Variants in NLGN1 observed in about 807,000 individuals in gnomAD.
The protein encoded by NLGN1 is neuroligin-1.
A neutral mutation model predicts 65.5 loss-of-function variants in NLGN1; 12 were observed. That is an observed-to-expected ratio of 0.18 (90% confidence interval 0.12 to 0.30). The LOEUF is 0.30. Among genes scored for constraint, NLGN1 ranks in the 10% least tolerant of loss-of-function variants. The pLI, the probability that NLGN1 is intolerant of heterozygous loss-of-function variation, is 1.00. For synonymous variants in NLGN1, 350 were observed against 359.5 expected (o/e 0.97, Z 0.30); for missense variants, 750 against 1,007.1 (o/e 0.74, Z 3.46).
chr3:174,083,339 G>C (rs1269776748), intron 4 of NLGN1, among the ~76,000 whole-genome samples: 1 of 151,970 alleles, frequency 6.6e-6, no homozygotes, highest in African/African-American at 2.4e-5. Flanking sequence ...TATGAATTAA[G>C]ATAAATATAT....
chr3:173,663,517 A>G lies in NLGN1; in HGVS notation c.493+58426A>G, dbSNP rs190874558. Among the ~76,000 whole-genome samples the G allele has an allele frequency of 1.2e-4, 18 of 152,154 alleles. No individual in the cohort carries two copies. In the East Asian group the frequency reaches 3.5e-3, roughly 29 times the overall value. ...AACACATTTTATGCTGTAAAAAAGA[A>G]AGTTCTTGCATATATAGAAGCTAGT... On this transcript the variant is annotated intron_variant, in intron 3 of 6. Coordinates refer to ENST00000457714, the Ensembl canonical transcript of NLGN1.
chr3:173,942,045 T>G (rs1196130753), intron 4 of NLGN1, among the ~76,000 whole-genome samples: 1 of 151,652 alleles, frequency 6.6e-6, no homozygotes, highest in Non-Finnish European at 1.5e-5. Flanking sequence ...TATTTACTGC[T>G]AAGTTCTTGT....
chr3:174,035,859 C>T (rs931084462), intron 4 of NLGN1, among the ~76,000 whole-genome samples: 4 of 152,038 alleles, frequency 2.6e-5, no homozygotes, highest in Non-Finnish European at 4.4e-5. Flanking sequence ...TATATAGGAT[C>T]TAGATAATGT....
At chr3:173,763,018 G>A (rs1163458619) in intron 3 of NLGN1, among the ~76,000 whole-genome samples, 3 of 138,794 alleles carry the variant, frequency 2.2e-5, no homozygotes, top group Admixed American at 7.3e-5. Flanking sequence ...TGACAGTCAT[G>A]AGGCATATGA....
At chr3:174,206,730 A>C (rs887980167) in intron 4 of NLGN1, among the ~76,000 whole-genome samples, 3 of 152,170 alleles carry the variant, frequency 2.0e-5, no homozygotes, top group African/African-American at 2.4e-5. Context: ...TATTCTGAAG[A>C]CCTGTGTGGA....
At chr3:174,221,800 T>G (rs1738708818) in intron 4 of NLGN1, among the ~76,000 whole-genome samples, 1 of 152,062 alleles carries the variant, frequency 6.6e-6, no homozygotes, top group Admixed American at 6.6e-5. Context: ...TTGGGTGGCT[T>G]CCAGTAATCT....
At chr3:174,251,382 C>T (rs183599657) in intron 4 of NLGN1, among the ~76,000 whole-genome samples, 10 of 152,182 alleles carry the variant, frequency 6.6e-5, no homozygotes, top group South Asian at 2.1e-4. Flanking sequence ...GGTGAGCTGC[C>T]GCTAATTCAT....
At chr3:173,774,357 A>G (rs1356543643) in intron 3 of NLGN1, among the ~76,000 whole-genome samples, 3 of 152,150 alleles carry the variant, frequency 2.0e-5, no homozygotes, top group African/African-American at 7.2e-5. Flanking sequence ...TCAATAGTTG[A>G]TCTTCTGGCT....
intron 4 of NLGN1, among the ~76,000 whole-genome samples, chr3:174,248,346 C>CAGTT (rs1305523357): frequency 6.6e-6 from 1 of 151,254 alleles, no homozygotes; most frequent in Non-Finnish European, 1.5e-5. Flanking sequence ...GGCAAATAGA[C>CAGTT]AGTTGTTTAT....
intron 3 of NLGN1, among the ~76,000 whole-genome samples, chr3:173,675,885 T>A (rs867462789): frequency 1.9e-4 from 23 of 121,162 alleles, no homozygotes; most frequent in African/African-American, 6.9e-4. Context: ...TCTCTCTCTC[T>A]CTCACACACA....
At chr3:173,568,774 C>G (rs903420372) in intron 2 of NLGN1, among the ~76,000 whole-genome samples, 1 of 152,168 alleles carries the variant, frequency 6.6e-6, no homozygotes, top group Non-Finnish European at 1.5e-5. Context: ...CCTGGGTTCA[C>G]CCCATTCTCC....
intron 4 of NLGN1, among the ~76,000 whole-genome samples, chr3:174,168,692 A>G (rs530617014): frequency 3.3e-4 from 50 of 152,224 alleles, no homozygotes; most frequent in African/African-American, 1.2e-3. Context: ...CGACTGTACA[A>G]TGGTCTGAGC....
intron 2 of NLGN1, among the ~76,000 whole-genome samples, chr3:173,585,789 C>G (rs1303830780): frequency 2.0e-5 from 3 of 152,214 alleles, no homozygotes; most frequent in South Asian, 4.1e-4. Context: ...TTCTTTCCAA[C>G]TGAGCGGTGC....
chr3:174,124,662 T>TAC (rs1310990575), intron 4 of NLGN1, among the ~76,000 whole-genome samples: 4 of 147,520 alleles, frequency 2.7e-5, no homozygotes, highest in Non-Finnish European at 4.5e-5. Flanking sequence ...CTTATATATA[T>TAC]GTATATGTGT....
chr3:174,208,235 A>G (rs1735798222), intron 4 of NLGN1, among the ~76,000 whole-genome samples: 1 of 152,178 alleles, frequency 6.6e-6, no homozygotes, highest in South Asian at 2.1e-4. Flanking sequence ...CATCTGTGGG[A>G]GGTAGGGAGA....
intron 2 of NLGN1, among the ~76,000 whole-genome samples, chr3:173,441,100 A>G (rs967407784): frequency 6.6e-6 from 1 of 152,182 alleles, no homozygotes; most frequent in Non-Finnish European, 1.5e-5. Flanking sequence ...GCTAGCTTCC[A>G]GCTTTCCTTC....
At chr3:174,259,573 G>A (rs557926513) in intron 4 of NLGN1, among the ~76,000 whole-genome samples, 1 of 151,960 alleles carries the variant, frequency 6.6e-6, no homozygotes, top group South Asian at 2.1e-4. Context: ...CATCATCATA[G>A]TATTTTGGCT....
chr3:173,930,196 T>G (rs1161365892), intron 4 of NLGN1, among the ~76,000 whole-genome samples: 1 of 152,220 alleles, frequency 6.6e-6, no homozygotes, highest in Non-Finnish European at 1.5e-5. Flanking sequence ...CTGGGAGATT[T>G]ATACTTTAAT....
At chr3:173,784,712 C>A (rs192841523) in intron 3 of NLGN1, among the ~76,000 whole-genome samples, 60 of 152,030 alleles carry the variant, frequency 3.9e-4, no homozygotes, top group African/African-American at 1.4e-3. Flanking sequence ...GGAACACAGG[C>A]ACACAGAGGG....
Sources: allele counts gnomAD v4.1 joint callset (sites outside exome capture counted in the v4.1 genomes callset), GRCh38; gene constraint gnomAD v4.1.1; transcripts MANE v1.5; gene names NCBI Gene and HGNC (gene_info 2026-07-23, HGNC 2026-07-21).